Variants in ACSF2 observed in about 807,000 individuals in gnomAD.
The protein encoded by ACSF2 is acyl-CoA synthetase family member 2.
Under a neutral mutation model 79.3 loss-of-function variants are expected in ACSF2, and 52 were observed. That is an observed-to-expected ratio of 0.66 (90% CI 0.53 to 0.83). ACSF2 has a LOEUF of 0.83. ACSF2 is among the 40% of genes least tolerant of loss of function. The pLI, the probability that ACSF2 is intolerant of heterozygous loss-of-function variation, is 0.00. For synonymous variants in ACSF2, 283 were observed against 312.6 expected, an observed-to-expected ratio of 0.91 and a Z score of 1.00; for missense variants, 661 against 803.3, an observed-to-expected ratio of 0.82 and a Z score of 2.14.
intron 10 of ACSF2, among the ~76,000 whole-genome samples, chr17:50,467,279 G>A (rs1253700025): frequency 6.6e-6 from 1 of 152,230 alleles, no homozygotes; most frequent in Admixed American, 6.5e-5. Context: ...TGGAGACAGT[G>A]AGTCACGCCA....
intron 1 of ACSF2, among the ~76,000 whole-genome samples, chr17:50,437,975 C>T (rs2030570811): frequency 6.6e-6 from 1 of 152,116 alleles, no homozygotes. Context: ...TGCAGCTGAC[C>T]CCCACCAGAG....
intron 10 of ACSF2, among the ~76,000 whole-genome samples, chr17:50,470,480 C>T (rs1300787137): frequency 6.6e-6 from 1 of 152,020 alleles, no homozygotes; most frequent in East Asian, 1.9e-4. Context: ...ACGGGAAACT[C>T]TCCAGAGCTT....
intron 10 of ACSF2, chr17:50,465,318 TGGACCTCTTGGTGG>T: frequency 1.2e-6 from 2 of 1,614,064 alleles, no homozygotes; most frequent in Non-Finnish European, 1.7e-6. Flanking sequence ...CCAGCTTTCT[TGGACCTCTTGGTGG>T]GGAACTTGCA....
chr17:50,472,490 C>T lies in ACSF2; in HGVS notation c.1386C>T (p.Cys462=), dbSNP rs779692571. The T allele has an allele frequency of 5.6e-6, 9 of 1,612,958 alleles. No homozygotes were observed. The highest frequency in any genetic ancestry group is 1.7e-5 in the Admixed American group (1 of 59,910). ...LAKLNTPGEL[C]IRGYCVMLGY... is the part of the protein sequence containing the mutation. ...AGCTGAACACGCCCGGGGAGCTGTG[C>T]ATCCGAGGGTACTGCGTCATGCTGG... The change falls in exon 12 of 16, where the codon TGC becomes TGT. Residue 462 remains cysteine (C), a synonymous_variant. Transcript: ENST00000300441.
At chr17:50,429,496 G>C (rs1022322954) in intron 1 of ACSF2, among the ~76,000 whole-genome samples, 1 of 151,936 alleles carries the variant, frequency 6.6e-6, no homozygotes, top group Non-Finnish European at 1.5e-5. Flanking sequence ...TTTGACGCAG[G>C]GCTGTTCAGA....
At chr17:50,434,830 A>G (rs574161519) in intron 1 of ACSF2, among the ~76,000 whole-genome samples, 7 of 151,924 alleles carry the variant, frequency 4.6e-5, no homozygotes, top group African/African-American at 1.4e-4. Flanking sequence ...ATGGGGCTTT[A>G]TGATATAATT....
chr17:50,427,397 G>A (rs1402971969), intron 1 of ACSF2, among the ~76,000 whole-genome samples: 2 of 152,194 alleles, frequency 1.3e-5, no homozygotes, highest in African/African-American at 4.8e-5. Context: ...AGCATGCAAT[G>A]CCTTAACATC....
intron 1 of ACSF2, among the ~76,000 whole-genome samples, chr17:50,431,916 T>TC (rs2029963394): frequency 2.0e-5 from 3 of 152,178 alleles, no homozygotes; most frequent in African/African-American, 4.8e-5. Context: ...TTTCTTTCTT[T>TC]TTTTGGTGGA....
At chr17:50,444,463 G>A (rs2031157991) in intron 1 of ACSF2, among the ~76,000 whole-genome samples, 1 of 152,106 alleles carries the variant, frequency 6.6e-6, no homozygotes, top group Non-Finnish European at 1.5e-5. Flanking sequence ...GGTGAGGCAG[G>A]AGAATCATTT....
At chr17:50,433,661 T>A (rs1410082141) in intron 1 of ACSF2, among the ~76,000 whole-genome samples, 1 of 152,118 alleles carries the variant, frequency 6.6e-6, no homozygotes, top group Non-Finnish European at 1.5e-5. Flanking sequence ...CTCTGTCACC[T>A]GGGATGGAGT....
rs1320665174 is a variant in ACSF2, at chr17:50,474,329, C to T, written c.1797+62C>T. Reference sequence around the variant, plus strand: ...GGCTCTGGGGCCCCATAGGGCCCCACCTCTGTTTCCTTCAGCAATGGGTGT... The same window carrying T: ...GGCTCTGGGGCCCCATAGGGCCCCATCTCTGTTTCCTTCAGCAATGGGTGT... On this transcript the variant is annotated intron_variant, in intron 15 of 15. Coordinates refer to ENST00000300441, the MANE Select transcript of ACSF2 (RefSeq NM_025149.6). The surrounding 1 kb of genome is among the most constrained non-coding windows in gnomAD (Gnocchi z 4.2). 1.4e-5 allele frequency: 22 copies of T among 1,561,658 alleles called. No individual in the cohort carries two copies. The highest frequency in any genetic ancestry group is 1.0e-4 in the Admixed American group (6 of 58,948).
intron 10 of ACSF2, chr17:50,468,343 G>C (rs780881567): frequency 1.1e-5 from 17 of 1,613,982 alleles, no homozygotes; most frequent in East Asian, 4.5e-5. Context: ...CACGGATCTT[G>C]TTGTTGTTGA....
rs370894882 is a variant in ACSF2 at position 50,465,365 on chromosome 17, C to T, written c.1215+1071C>T. 2.7e-5 allele frequency: 43 copies of T among 1,613,904 alleles called. No homozygotes were observed. The highest frequency in any genetic ancestry group is 2.1e-4 in the African/African-American group (16 of 74,872). ...GCAGCTGCGGAAGGCGTCCGTGTCA[C>T]GGATGTGCTGGCCCTTGAACTTGGC... On this transcript the variant is annotated intron_variant, in intron 10 of 15. Coordinates refer to ENST00000300441, the MANE Select transcript of ACSF2 (RefSeq NM_025149.6).
chr17:50,461,649 CCTACCAGG>C lies in ACSF2; in HGVS notation c.474_481del (p.Gln159GlyfsTer70). 6 of 1,614,114 alleles carry C rather than the reference CCTACCAGG, an allele frequency of 3.7e-6. No homozygotes were observed. The highest frequency in any genetic ancestry group is 5.1e-6 in the Non-Finnish European group (6 of 1,179,992). The stretch of plus-strand genomic sequence containing the variant: ...TTCCACCAGGTGTCTGTGAACCCAG[CCTACCAGG>C]CTATGGAACTGGAGTATGTCCTCAA... On this transcript the variant is annotated frameshift_variant, in exon 4 of 16. Coordinates refer to ENST00000300441, the MANE Select transcript of ACSF2 (RefSeq NM_025149.6). LOFTEE classifies it high-confidence loss of function.
chr17:50,465,961 G>T, intron 10 of ACSF2: 1 of 1,426,766 alleles, frequency 7.0e-7, no homozygotes, highest in Non-Finnish European at 9.8e-7. Context: ...ATCCTTCCCT[G>T]AACCTGAGCC....
chr17:50,443,030 C>G lies in ACSF2; in HGVS notation c.128+16641C>G, dbSNP rs1328782726. ...GTTCAACTGATTCTCGTGCCTCAGC[C>G]TCCCGAATAGCTGGGACTATGGGTG... On this transcript the variant is annotated intron_variant, in intron 1 of 15. Coordinates refer to ENST00000300441, the MANE Select transcript of ACSF2 (RefSeq NM_025149.6). Among the ~76,000 whole-genome samples, 4 of 152,198 alleles carry G rather than the reference C, an allele frequency of 2.6e-5. No homozygotes were observed. In the South Asian group the frequency reaches 8.3e-4, roughly 32 times the overall value.
At chr17:50,455,690 C>G (rs1238454890) in intron 1 of ACSF2, among the ~76,000 whole-genome samples, 1 of 152,182 alleles carries the variant, frequency 6.6e-6, no homozygotes. Context: ...GGAGCCACCC[C>G]AGCAGCTGTA....
intron 1 of ACSF2, among the ~76,000 whole-genome samples, chr17:50,433,385 C>G (rs2030119819): frequency 6.6e-6 from 1 of 151,964 alleles, no homozygotes; most frequent in Non-Finnish European, 1.5e-5. Flanking sequence ...GATTACTGGA[C>G]TCAAACAATC....
chr17:50,473,482 G>T, intron 12 of ACSF2, 183 bp from the exon 13 acceptor site: 1 of 738,402 alleles, frequency 1.4e-6, no homozygotes, highest in Non-Finnish European at 2.2e-6. Context: ...TTTTGTTTTT[G>T]TCTACCTCCC....
Sources: gnomAD v4.1 joint callset for allele counts (sites outside exome capture counted in the v4.1 genomes callset) on GRCh38, gnomAD v4.1.1 for gene constraint, Gnocchi (gnomAD v3.1) non-coding constraint, MANE v1.5 for transcripts, NCBI Gene and HGNC (gene_info 2026-07-23, HGNC 2026-07-21) for gene names.